Variants in PNKD observed in about 807,000 individuals in gnomAD.
PNKD encodes PNKD metallo-beta-lactamase domain containing.
PNKD carries 36 observed loss-of-function variants against 45.3 expected under a neutral mutation model. The ratio of observed to expected loss-of-function variants is 0.80; its 90% CI spans 0.61 to 1.05. The LOEUF (loss-of-function observed/expected upper bound fraction) is 1.05. Ranked by LOEUF, PNKD falls within the 50% of genes least tolerant of loss-of-function variation. The pLI is 0.00. For missense variants in PNKD, 511 were observed against 506.6 expected (o/e 1.01, Z -0.08); for synonymous variants, 197 against 210.1 (o/e 0.94, Z 0.54).
At position 218,290,494 on chromosome 2, in the gene PNKD, CAG is replaced by C. The variant is rs879899083; in HGVS notation, c.236+18946_236+18947del. 1.7e-4 allele frequency among the ~76,000 whole-genome samples: 26 copies of C among 152,218 alleles called. 1 individual carries two copies. Among genetic ancestry groups the C allele is most frequent in the Non-Finnish European group, 3.7e-4 (25 of 68,038 alleles). On this transcript the variant is annotated intron_variant, in intron 2 of 9. Transcript: ENST00000273077. ...AGTACTAGACATGCCCTCTCACTCT[CAG>C]GGGGTCAGCCCAGTGCCAGGATCTC...
At chr2:218,323,940 C>T (rs1434189660) in intron 2 of PNKD, among the ~76,000 whole-genome samples, 4 of 152,230 alleles carry the variant, frequency 2.6e-5, no homozygotes, top group Non-Finnish European at 5.9e-5. Context: ...AAGTTAGGTT[C>T]TTCTGTCCCA....
intron 2 of PNKD, chr2:218,276,019 G>A (rs1391925111): frequency 6.2e-7 from 1 of 1,610,828 alleles, no homozygotes; most frequent in Admixed American, 1.7e-5. Flanking sequence ...GTGGGGCTGG[G>A]ACTTACCAGG....
At chr2:218,289,136 A>G (rs530100490) in intron 2 of PNKD, among the ~76,000 whole-genome samples, 49 of 152,372 alleles carry the variant, frequency 3.2e-4, no homozygotes, top group African/African-American at 9.6e-4. Flanking sequence ...GGGTGGGGCC[A>G]AGGCAGTAAA....
intron 2 of PNKD, chr2:218,280,187 G>T: frequency 1.6e-6 from 2 of 1,224,646 alleles, no homozygotes; most frequent in Non-Finnish European, 2.4e-6. Context: ...CAATCCCAAA[G>T]CCTCCCTGAC....
intron 2 of PNKD, among the ~76,000 whole-genome samples, chr2:218,304,378 A>G (rs950689228): frequency 6.6e-6 from 1 of 151,516 alleles, no homozygotes; most frequent in Admixed American, 6.6e-5. Context: ...TCCTAACCTC[A>G]GGTCATCCAC....
chr2:218,293,637 G>A (rs1179006480), intron 2 of PNKD, among the ~76,000 whole-genome samples: 1 of 145,394 alleles, frequency 6.9e-6, no homozygotes, highest in East Asian at 2.0e-4. Flanking sequence ...CCAGGCTGGA[G>A]TGCAGTGGCG....
At chr2:218,293,030 A>C (rs1693032164) in intron 2 of PNKD, among the ~76,000 whole-genome samples, 1 of 152,246 alleles carries the variant, frequency 6.6e-6, no homozygotes, top group Non-Finnish European at 1.5e-5. Context: ...TTTTTACATT[A>C]CAAATAAATC....
intron 2 of PNKD, chr2:218,272,500 G>T: frequency 7.0e-7 from 1 of 1,426,842 alleles, no homozygotes; most frequent in South Asian, 1.2e-5. Flanking sequence ...AAGCTAGAAT[G>T]ACTCCCCCCA....
At chr2:218,308,872 A>G (rs949919634) in intron 2 of PNKD, among the ~76,000 whole-genome samples, 1 of 152,076 alleles carries the variant, frequency 6.6e-6, no homozygotes, top group Admixed American at 6.6e-5. Flanking sequence ...GGAGTGAGCC[A>G]CCGTGCCCAG....
At position 218,346,130 on chromosome 2, in the gene PNKD, C is replaced by T. The variant is rs1478503670; in HGVS notation, c.*1149C>T. On this transcript the variant is annotated 3_prime_UTR_variant, in exon 10 of 10. Transcript: ENST00000273077. Reference sequence around the variant, plus strand: ...CTCTGGGTCCCAGACCTGGCCCGACCCCTCTGCTTCACCTCCAGCTCTGCT... The same window carrying T: ...CTCTGGGTCCCAGACCTGGCCCGACTCCTCTGCTTCACCTCCAGCTCTGCT... 1 of 152,460 alleles carries T rather than the reference C, an allele frequency of 6.6e-6. No individual in the cohort carries two copies. Among genetic ancestry groups the T allele is most frequent in the African/African-American group, 2.4e-5 (1 of 41,460 alleles). The allele number at this position is 152,460 out of a possible 1,614,324, so 9.4% of individuals were successfully genotyped here.
chr2:218,274,453 A>G (rs1193785044), intron 2 of PNKD: 2 of 154,070 alleles, frequency 1.3e-5, no homozygotes, highest in Non-Finnish European at 2.9e-5. Context: ...AGACAAACAG[A>G]GAGAAGTCAC....
chr2:218,277,238 C>T, intron 2 of PNKD: 2 of 1,166,980 alleles, frequency 1.7e-6, no homozygotes, highest in East Asian at 4.7e-5. Context: ...AGAAACAGGA[C>T]ACAGTTTTGT....
At chr2:218,287,044 C>T (rs13005100) in intron 2 of PNKD, among the ~76,000 whole-genome samples, 53,522 of 151,940 alleles carry the variant, frequency 0.35, 9,847 homozygotes, top group Middle Eastern at 0.5. Flanking sequence ...TAAAAAGATA[C>T]ACCCAGGAGT....
intron 2 of PNKD, among the ~76,000 whole-genome samples, chr2:218,306,782 T>G (rs936092656): frequency 1.3e-5 from 2 of 152,166 alleles, no homozygotes; most frequent in Non-Finnish European, 2.9e-5. Flanking sequence ...CAGAGACATG[T>G]GTGCAATGAA....
Position 218,340,215 on chromosome 2 carries a change from G to A in PNKD, c.465+74G>A, listed in dbSNP as rs1164582692. 30 of 905,104 alleles carry A rather than the reference G, an allele frequency of 3.3e-5. 1 individual carries two copies. The East Asian group carries it at 3.8e-4, about 12-fold the overall frequency. The allele number at this position is 905,104 out of a possible 1,614,324, so 56.1% of individuals were successfully genotyped here. ...TGGCAGTTTCGCCTTGCTAGAGAGGGCTGACCCTTGTCCGTCTGCCCGTGG... is the reference window on the plus strand; with the variant it reads ...TGGCAGTTTCGCCTTGCTAGAGAGGACTGACCCTTGTCCGTCTGCCCGTGG... On this transcript the variant is annotated intron_variant, in intron 4 of 9. Coordinates refer to ENST00000273077, the MANE Select transcript of PNKD (RefSeq NM_015488.5). This position sits in a 1 kb window ranked among gnomAD's most constrained non-coding sequence, Gnocchi z 4.2.
At chr2:218,302,373 C>T (rs1693293573) in intron 2 of PNKD, among the ~76,000 whole-genome samples, 1 of 152,034 alleles carries the variant, frequency 6.6e-6, no homozygotes, top group Admixed American at 6.6e-5. Flanking sequence ...AAGAGTGGCA[C>T]CCAGGCACCT....
At chr2:218,331,927 T>G (rs912015813) in intron 2 of PNKD, among the ~76,000 whole-genome samples, 2 of 152,168 alleles carry the variant, frequency 1.3e-5, no homozygotes, top group African/African-American at 4.8e-5. Context: ...ATGTTGGGAT[T>G]TATTTGTACA....
intron 2 of PNKD, chr2:218,281,141 G>GTTTTTGTTTGGT (rs1691932267): frequency 1.0e-5 from 1 of 95,702 alleles, no homozygotes; most frequent in Non-Finnish European, 1.8e-5. Flanking sequence ...TTTTTTTTTG[G>GTTTTTGTTTGGT]TTTTTTTTTT....
chr2:218,337,172 T>A (rs1694521579), intron 2 of PNKD, among the ~76,000 whole-genome samples: 1 of 150,484 alleles, frequency 6.6e-6, no homozygotes, highest in South Asian at 2.1e-4. Context: ...AGTGGTGAGA[T>A]CTCGGCTTAC....
Sources: gnomAD v4.1 joint callset for allele counts (sites outside exome capture counted in the v4.1 genomes callset) on GRCh38, gnomAD v4.1.1 for gene constraint, Gnocchi (gnomAD v3.1) non-coding constraint, MANE v1.5 for transcripts, NCBI Gene and HGNC (gene_info 2026-07-23, HGNC 2026-07-21) for gene names.